Variants in CEP128 observed in about 807,000 individuals in gnomAD.
The protein encoded by CEP128 is centrosomal protein 128kDa.
In CEP128, 132 loss-of-function variants were observed where a neutral mutation model predicts 156.7. The observed-to-expected ratio is 0.84, with a 90% CI of 0.73 to 0.97. The LOEUF (loss-of-function observed/expected upper bound fraction) is 0.97, where lower values mean the gene tolerates loss of function less well. Among genes scored for constraint, CEP128 ranks in the 50% least tolerant of loss-of-function variants. CEP128 has a pLI of 0.00. For synonymous variants in CEP128, 469 were observed against 448.9 expected (o/e 1.04, Z -0.57); for missense variants, 1,252 against 1,281.9 (o/e 0.98, Z 0.36).
intron 19 of CEP128, among the ~76,000 whole-genome samples, chr14:80,690,259 A>AAAG: frequency 6.6e-6 from 1 of 151,404 alleles, no homozygotes; most frequent in South Asian, 2.1e-4. Flanking sequence ...AAAAAAAAAA[A>AAAG]AAAAAAATTA....
intron 2 of CEP128, among the ~76,000 whole-genome samples, chr14:80,925,767 G>A (rs1466071949): frequency 6.6e-6 from 1 of 152,082 alleles, no homozygotes; most frequent in Non-Finnish European, 1.5e-5. Flanking sequence ...GAAGCAGTGG[G>A]CAGTAGTCTA....
chr14:80,612,585 C>G (rs1254166020), intron 19 of CEP128, among the ~76,000 whole-genome samples: 1 of 152,118 alleles, frequency 6.6e-6, no homozygotes, highest in Non-Finnish European at 1.5e-5. Context: ...ACATGAATTA[C>G]TTAATAATAC....
chr14:80,665,897 C>T (rs1262394821), intron 19 of CEP128, among the ~76,000 whole-genome samples: 1 of 151,680 alleles, frequency 6.6e-6, no homozygotes, highest in Non-Finnish European at 1.5e-5. Flanking sequence ...CATAAAATGA[C>T]CAAAGTGTGA....
At chr14:80,716,965 T>G (rs1897630498) in intron 19 of CEP128, among the ~76,000 whole-genome samples, 1 of 152,190 alleles carries the variant, frequency 6.6e-6, no homozygotes, top group African/African-American at 2.4e-5. Flanking sequence ...TGCTTTCCAT[T>G]TCGCTGATGG....
chr14:80,837,343 T>C (rs1343986800), intron 11 of CEP128, among the ~76,000 whole-genome samples: 1 of 152,260 alleles, frequency 6.6e-6, no homozygotes, highest in African/African-American at 2.4e-5. Flanking sequence ...AAGATGGTTA[T>C]TTAAAGTTAC....
intron 24 of CEP128, among the ~76,000 whole-genome samples, chr14:80,502,358 G>T (rs1887776384): frequency 6.6e-6 from 1 of 152,162 alleles, no homozygotes; most frequent in Non-Finnish European, 1.5e-5. Flanking sequence ...ACAATCTCAG[G>T]ATGGCTGCTG....
chr14:80,572,861 CA>C (rs1464135271), intron 20 of CEP128, among the ~76,000 whole-genome samples: 1 of 152,158 alleles, frequency 6.6e-6, no homozygotes, highest in Non-Finnish European at 1.5e-5. Flanking sequence ...GAAGATGAGT[CA>C]AATCATCTTC....
At chr14:80,867,210 T>C (rs553325354) in intron 8 of CEP128, among the ~76,000 whole-genome samples, 1 of 152,314 alleles carries the variant, frequency 6.6e-6, no homozygotes, top group Admixed American at 6.5e-5. Flanking sequence ...GTGAACCTGA[T>C]AACTGACATG....
chr14:80,907,806 A>T (rs976426785), intron 4 of CEP128, among the ~76,000 whole-genome samples: 3 of 152,214 alleles, frequency 2.0e-5, no homozygotes, highest in African/African-American at 7.2e-5. Flanking sequence ...ATCACAAAGT[A>T]GTATATCAGT....
At chr14:80,769,671 T>C (rs1034647908) in intron 16 of CEP128, among the ~76,000 whole-genome samples, 13 of 152,202 alleles carry the variant, frequency 8.5e-5, no homozygotes, top group African/African-American at 3.1e-4. Context: ...ACTTTTCTTA[T>C]GAAAGAATAT....
rs771160028 is a variant in CEP128 at position 80,811,216 on chromosome 14, C to T, written c.1210-18106G>A. Among the ~76,000 whole-genome samples the T allele has an allele frequency of 2.0e-5, 3 of 152,072 alleles. No individual in the cohort carries two copies. The East Asian group carries it at 5.8e-4, about 29-fold the overall frequency. On this transcript the variant is annotated intron_variant, in intron 13 of 24. Coordinates refer to ENST00000555265, the MANE Select transcript of CEP128 (RefSeq NM_152446.5). ...ATGGGCATTTGGGTTGATTCCATGT[C>T]TTTGCTATTGTGCTGCAATGAACAT...
rs373137619 is a variant in CEP128 at position 80,577,538 on chromosome 14, A to G, written c.2856+2836T>C. On this transcript the variant is annotated intron_variant, in intron 20 of 24. Coordinates refer to ENST00000555265, the MANE Select transcript of CEP128 (RefSeq NM_152446.5). ...CAAAGTTCCATGGACTTTATATTCT[A>G]AAACATATTAAGAAGTCACCCACTC... Among the ~76,000 whole-genome samples the G allele has an allele frequency of 2.0e-5, 3 of 152,080 alleles. No homozygotes were observed. In the East Asian group the frequency reaches 5.8e-4, roughly 29 times the overall value.
intron 9 of CEP128, among the ~76,000 whole-genome samples, chr14:80,856,253 T>A (rs1887149716): frequency 6.6e-6 from 1 of 152,074 alleles, no homozygotes; most frequent in South Asian, 2.1e-4. Flanking sequence ...GACTTCCCCA[T>A]GAAACAAATT....
intron 23 of CEP128, among the ~76,000 whole-genome samples, chr14:80,525,461 A>T (rs1888931963): frequency 6.6e-6 from 1 of 152,210 alleles, no homozygotes; most frequent in African/African-American, 2.4e-5. Context: ...ACACCTACAA[A>T]AAGAAATGTC....
At chr14:80,713,322 G>A (rs898917517) in intron 19 of CEP128, among the ~76,000 whole-genome samples, 1 of 151,864 alleles carries the variant, frequency 6.6e-6, no homozygotes, top group Admixed American at 6.6e-5. Context: ...AATATACTAC[G>A]ACTTCTGTCT....
Position 80,508,016 on chromosome 14 carries a change from G to A in CEP128, c.3073-2996C>T, listed in dbSNP as rs373164002. Among the ~76,000 whole-genome samples, 24 of 152,304 alleles carry A rather than the reference G, an allele frequency of 1.6e-4. No individual in the cohort carries two copies. In the East Asian group the frequency reaches 3.7e-3, roughly 23 times the overall value. Reference sequence around the variant, plus strand: ...TGCAACCTCTGCCTCCCAGGTTCAAGCGATCCTCCTGCCTCAGCCCCCGCT... The same window carrying A: ...TGCAACCTCTGCCTCCCAGGTTCAAACGATCCTCCTGCCTCAGCCCCCGCT... On this transcript the variant is annotated intron_variant, in intron 23 of 24. Transcript: ENST00000555265.
At chr14:80,572,702 C>CA (rs34430507) in intron 20 of CEP128, among the ~76,000 whole-genome samples, 100 of 151,440 alleles carry the variant, frequency 6.6e-4, no homozygotes, top group East Asian at 3.5e-3. Flanking sequence ...TTGAAAACAA[C>CA]AAAAAAAAAC....
intron 20 of CEP128, among the ~76,000 whole-genome samples, chr14:80,566,798 G>T (rs1163046784): frequency 6.6e-6 from 1 of 151,056 alleles, no homozygotes; most frequent in Non-Finnish European, 1.5e-5. Flanking sequence ...GGCTGCTTAT[G>T]TGCCTTTTCA....
At chr14:80,653,497 A>C (rs1434206350) in intron 19 of CEP128, among the ~76,000 whole-genome samples, 1 of 152,146 alleles carries the variant, frequency 6.6e-6, no homozygotes, top group African/African-American at 2.4e-5. Flanking sequence ...GGGTGGCTAC[A>C]CTAAACAGAT....
Sources: gnomAD v4.1 joint callset for allele counts (sites outside exome capture counted in the v4.1 genomes callset) on GRCh38, gnomAD v4.1.1 for gene constraint, MANE v1.5 for transcripts, NCBI Gene and HGNC (gene_info 2026-07-23, HGNC 2026-07-21) for gene names.